Variants in TENM4 observed in about 807,000 individuals in gnomAD.
The protein encoded by TENM4 is teneurin-4.
A neutral mutation model predicts 243.3 loss-of-function variants in TENM4; 82 were observed. The observed-to-expected ratio is 0.34, with a 90% confidence interval of 0.28 to 0.40. The LOEUF (loss-of-function observed/expected upper bound fraction) is 0.40, where lower values mean the gene tolerates loss of function less well. Ranked by LOEUF, TENM4 falls within the 10% of genes least tolerant of loss-of-function variation. The probability of loss-of-function intolerance (pLI) is 1.00; values close to 1 mark genes in which losing one functional copy is unlikely to be tolerated. For synonymous variants in TENM4, 1,412 were observed against 1,456.3 expected (o/e 0.97, Z 0.69); for missense variants, 3,138 against 3,673.3 (o/e 0.85, Z 3.77).
chr11:78,997,261 G>A (rs1858199394), intron 6 of TENM4, among the ~76,000 whole-genome samples: 1 of 152,196 alleles, frequency 6.6e-6, no homozygotes, highest in Non-Finnish European at 1.5e-5. Flanking sequence ...CCATGAGACT[G>A]TGACCTCTGC....
intron 6 of TENM4, among the ~76,000 whole-genome samples, chr11:78,970,142 G>A (rs1464440506): frequency 6.6e-6 from 1 of 152,156 alleles, no homozygotes; most frequent in Non-Finnish European, 1.5e-5. Context: ...CTCGTGGAGG[G>A]TCAGGAATTC....
At chr11:78,744,491 C>A (rs984588328) in intron 19 of TENM4, among the ~76,000 whole-genome samples, 1 of 152,164 alleles carries the variant, frequency 6.6e-6, no homozygotes, top group Non-Finnish European at 1.5e-5. Flanking sequence ...TGTGGGGAGC[C>A]AGGACTGAAT....
At chr11:78,973,771 G>T (rs1306074211) in intron 6 of TENM4, among the ~76,000 whole-genome samples, 1 of 150,850 alleles carries the variant, frequency 6.6e-6, no homozygotes, top group Non-Finnish European at 1.5e-5. Context: ...TAAATATAAT[G>T]GCAAAAACCA....
intron 2 of TENM4, among the ~76,000 whole-genome samples, chr11:79,223,929 A>G (rs147793849): frequency 1.3e-5 from 2 of 152,258 alleles, no homozygotes; most frequent in African/African-American, 4.8e-5. Context: ...CCACCCTGAT[A>G]GGGCCATGTC....
rs534489978 is a variant in TENM4, at chr11:79,204,430, G to A, written c.-163+11378C>T. On this transcript the variant is annotated intron_variant, in intron 3 of 33. Transcript: ENST00000278550. The stretch of plus-strand genomic sequence containing the variant: ...ATCTTGAGCCCCTACTATGGCCTGG[G>A]CACCTATCTCTGGGAGCTGTGACTA... Among the ~76,000 whole-genome samples, 7 of 152,188 alleles carry A rather than the reference G, an allele frequency of 4.6e-5. No homozygotes were observed. In the South Asian group the frequency reaches 1.5e-3, roughly 32 times the overall value.
intron 6 of TENM4, chr11:79,064,468 T>G: frequency 2.2e-6 from 1 of 459,342 alleles, no homozygotes. Context: ...TCTGCTCCCC[T>G]GCACACAGGC....
chr11:79,221,579 G>T (rs1050113310), intron 2 of TENM4, among the ~76,000 whole-genome samples: 1 of 151,804 alleles, frequency 6.6e-6, no homozygotes, highest in Non-Finnish European at 1.5e-5. Flanking sequence ...CCCTGTTCTA[G>T]ACACTCAGAG....
Position 79,286,499 on chromosome 11 carries a change from C to CA in TENM4, c.-265+10988dup, listed in dbSNP as rs59227835. 6.1e-3 allele frequency among the ~76,000 whole-genome samples: 773 copies of CA among 126,468 alleles called. 3 individuals carry two copies. Among genetic ancestry groups the CA allele is most frequent in the African/African-American group, 0.016 (546 of 33,328 alleles). The allele number at this position is 126,468 out of a possible 152,430, so 83.0% of individuals were successfully genotyped here. ...GAAACCCCGTCTCTACTAAAAAATC[C>CA]AAAAAAAAAAAAAAAAAAAATTAGC... On this transcript the variant is annotated intron_variant, in intron 2 of 33. Coordinates refer to ENST00000278550, the MANE Select transcript of TENM4 (RefSeq NM_001098816.3).
intron 6 of TENM4, among the ~76,000 whole-genome samples, chr11:78,916,350 T>C (rs1856316245): frequency 6.6e-6 from 1 of 152,196 alleles, no homozygotes; most frequent in Non-Finnish European, 1.5e-5. Context: ...TAATTCACTC[T>C]CATAGCTCCT....
In TENM4 at chr11:79,031,265, G is replaced by A. The variant is rs918573227; in HGVS notation, c.493+33473C>T. 2.0e-5 allele frequency among the ~76,000 whole-genome samples: 3 copies of A among 152,192 alleles called. No homozygotes were observed. The East Asian group carries it at 5.8e-4, about 29-fold the overall frequency. Reference sequence around the variant, plus strand: ...GACAAAATGCCTACATACAGATAATGTATTTGGGGCAGGGGAGATACCCAA... The same window carrying A: ...GACAAAATGCCTACATACAGATAATATATTTGGGGCAGGGGAGATACCCAA... On this transcript the variant is annotated intron_variant, in intron 6 of 33. Coordinates refer to ENST00000278550, the MANE Select transcript of TENM4 (RefSeq NM_001098816.3).
At chr11:78,866,652 C>T (rs951421405) in intron 9 of TENM4, among the ~76,000 whole-genome samples, 1 of 152,142 alleles carries the variant, frequency 6.6e-6, no homozygotes, top group Non-Finnish European at 1.5e-5. Flanking sequence ...ACTGTACCCC[C>T]CTGGCAATCA....
chr11:79,275,716 G>A (rs1856044028), intron 2 of TENM4, among the ~76,000 whole-genome samples: 1 of 152,240 alleles, frequency 6.6e-6, no homozygotes, highest in Admixed American at 6.5e-5. Context: ...ACTTGTTCAA[G>A]TTTCCCAAGT....
intron 4 of TENM4, among the ~76,000 whole-genome samples, chr11:79,072,709 G>A (rs1402153970): frequency 2.0e-5 from 3 of 152,090 alleles, no homozygotes; most frequent in East Asian, 3.9e-4. Flanking sequence ...GGCTTTCAAC[G>A]CAAAGCACTA....
At chr11:79,241,537 A>C (rs1223141310) in intron 2 of TENM4, among the ~76,000 whole-genome samples, 5 of 152,228 alleles carry the variant, frequency 3.3e-5, no homozygotes, top group African/African-American at 1.2e-4. Context: ...AGAATGTTTG[A>C]GTCTGCCACA....
chr11:78,826,792 T>C (rs11237633), intron 12 of TENM4, among the ~76,000 whole-genome samples: 5,096 of 152,304 alleles, frequency 0.033, 267 homozygotes, highest in African/African-American at 0.12. Flanking sequence ...TCTATTTCGA[T>C]ACTTAGAACT....
rs977013281 is a variant in TENM4, at chr11:78,672,257, G to C, written c.5569C>G (p.Arg1857Gly). The C allele has an allele frequency of 6.2e-7, 1 of 1,613,912 alleles. No individual in the cohort carries two copies. Among genetic ancestry groups the C allele is most frequent in the Non-Finnish European group, 8.5e-7 (1 of 1,179,898 alleles). ...TACAGAATCCGAAGGGTGAACTTGC[G>C]GTGGTCATCATAGATCTTCTCTGTG... Reference protein sequence around the residue: ...TRTEKIYDDHRKFTLRILYDQ... With the variant: ...TRTEKIYDDHGKFTLRILYDQ... The change falls in exon 31 of 34, where the codon CGC becomes GGC. Residue 1857 changes from arginine (R) to glycine (G), a missense_variant. Physicochemically the swap from Arg to Gly is moderately radical, Grantham distance 125. Transcript: ENST00000278550.
At chr11:79,099,270 C>T (rs952129317) in intron 4 of TENM4, among the ~76,000 whole-genome samples, 1 of 152,082 alleles carries the variant, frequency 6.6e-6, no homozygotes, top group African/African-American at 2.4e-5. Context: ...GATCTAGCCC[C>T]AGTGCCTTTG....
At chr11:79,075,768 G>C (rs1252855304) in intron 4 of TENM4, among the ~76,000 whole-genome samples, 1 of 152,164 alleles carries the variant, frequency 6.6e-6, no homozygotes, top group Non-Finnish European at 1.5e-5. Flanking sequence ...GCAGGGACTC[G>C]GCCTGTCAGT....
Position 78,826,076 on chromosome 11 carries a change from C to CTT in TENM4, c.1682-11683_1682-11682dup, listed in dbSNP as rs59565048. Among the ~76,000 whole-genome samples, 130 of 115,408 alleles carry CTT rather than the reference C, an allele frequency of 1.1e-3. 3 individuals are homozygous for CTT. The highest frequency in any genetic ancestry group is 1.3e-3 in the Non-Finnish European group (74 of 57,434). The allele number at this position is 115,408 out of a possible 152,430, so 75.7% of individuals were successfully genotyped here. A position where few individuals can be genotyped will look rare whatever the true frequency, so the allele number is the denominator to read the frequency against. On this transcript the variant is annotated intron_variant, in intron 12 of 33. Coordinates refer to ENST00000278550, the MANE Select transcript of TENM4 (RefSeq NM_001098816.3). ...CCAAATAGAAAACCAAATCCCCCTC[C>CTT]TTTTTTTTTTTTTTTTTTTTTTTTT...
Sources: allele counts gnomAD v4.1 joint callset (sites outside exome capture counted in the v4.1 genomes callset), GRCh38; gene constraint gnomAD v4.1.1; transcripts MANE v1.5; gene names NCBI Gene and HGNC (gene_info 2026-07-23, HGNC 2026-07-21).